The following PICALM variants were observed in gnomAD, a reference collection of about 807,000 sequenced individuals.
PICALM encodes phosphatidylinositol-binding clathrin assembly protein.
PICALM carries 40 observed loss-of-function variants against 80.5 expected under a neutral mutation model. The ratio of observed to expected loss-of-function variants is 0.50; its 90% confidence interval spans 0.39 to 0.65. The LOEUF is 0.65. Ranked by LOEUF, PICALM falls within the 30% of genes least tolerant of loss-of-function variation. The pLI, the probability that PICALM is intolerant of heterozygous loss-of-function variation, is 0.00. For synonymous variants in PICALM, 288 were observed against 260.3 expected (o/e 1.11, Z -1.02); for missense variants, 676 against 778.9 (o/e 0.87, Z 1.57).
intron 1 of PICALM, among the ~76,000 whole-genome samples, chr11:86,047,620 T>C (rs2096097073): frequency 1.3e-5 from 2 of 152,184 alleles, no homozygotes; most frequent in Admixed American, 1.3e-4. Flanking sequence ...GTAATTACTA[T>C]CAATTCTAAG....
At chr11:85,983,205 C>T (rs906020919) in intron 14 of PICALM, among the ~76,000 whole-genome samples, 2 of 152,124 alleles carry the variant, frequency 1.3e-5, no homozygotes, top group Non-Finnish European at 2.9e-5. Context: ...AAGTTAATTA[C>T]TAACCAAAAT....
At chr11:86,015,321 A>T (rs494369) in intron 4 of PICALM, among the ~76,000 whole-genome samples, 119,952 of 152,136 alleles carry the variant, frequency 0.79, 47,380 homozygotes, top group Non-Finnish European at 0.8. Context: ...ACCATTTTTT[A>T]AAATTACAAA....
chr11:86,027,082 T>C (rs2095659889), intron 2 of PICALM, among the ~76,000 whole-genome samples: 1 of 152,256 alleles, frequency 6.6e-6, no homozygotes, highest in Admixed American at 6.5e-5. Flanking sequence ...CCACTTAACA[T>C]TTCATCTTAA....
At chr11:86,031,004 G>A (rs1187786447) in intron 2 of PICALM, among the ~76,000 whole-genome samples, 1 of 152,146 alleles carries the variant, frequency 6.6e-6, no homozygotes, top group Non-Finnish European at 1.5e-5. Flanking sequence ...TGTAATCCCA[G>A]CTACATGGGA....
At chr11:86,069,309 A>G (rs1269671650), upstream of PICALM, 1 of 165,438 alleles carries the variant, frequency 6.0e-6, no homozygotes, top group Non-Finnish European at 1.3e-5. Context: ...CAGCCGGCGC[A>G]TCACGTGACT....
At chr11:86,019,297 T>C (rs1048087731) in intron 4 of PICALM, among the ~76,000 whole-genome samples, 2 of 152,158 alleles carry the variant, frequency 1.3e-5, no homozygotes, top group Non-Finnish European at 2.9e-5. Flanking sequence ...TTATACAGTC[T>C]GACGTGTATA....
At chr11:86,063,730 T>C (rs2096403334) in intron 1 of PICALM, among the ~76,000 whole-genome samples, 1 of 152,218 alleles carries the variant, frequency 6.6e-6, no homozygotes, top group African/African-American at 2.4e-5. Context: ...ACTCTATTTC[T>C]ATTTTCTGTA....
chr11:86,015,841 A>G (rs1163726235), intron 4 of PICALM, among the ~76,000 whole-genome samples: 1 of 152,250 alleles, frequency 6.6e-6, no homozygotes, highest in Non-Finnish European at 1.5e-5. Flanking sequence ...CTATACTTAT[A>G]AATGGCTGTT....
intron 1 of PICALM, among the ~76,000 whole-genome samples, chr11:86,036,111 A>C (rs2095839392): frequency 6.6e-6 from 1 of 152,156 alleles, no homozygotes; most frequent in African/African-American, 2.4e-5. Context: ...AAAAATAGTA[A>C]ACAGAGGATA....
intron 4 of PICALM, among the ~76,000 whole-genome samples, chr11:86,018,150 TTG>T (rs1327378692): frequency 1.3e-5 from 2 of 152,198 alleles, no homozygotes; most frequent in African/African-American, 4.8e-5. Flanking sequence ...CTAAAAAAGC[TTG>T]TGAGTTCTTA....
At chr11:85,981,052 A>G (rs2094428331) in intron 17 of PICALM, 77 bp downstream of exon 17, 2 of 749,016 alleles carry the variant, frequency 2.7e-6, no homozygotes, top group Non-Finnish European at 4.8e-6. Flanking sequence ...TATGTCTATC[A>G]CTTTAAAAAC....
At chr11:85,973,109 A>G (rs2094162055) in intron 19 of PICALM, among the ~76,000 whole-genome samples, 1 of 152,214 alleles carries the variant, frequency 6.6e-6, no homozygotes, top group Admixed American at 6.5e-5. Context: ...ATTAAAGAAC[A>G]AGGAGGAAGT....
At chr11:86,058,809 G>A (rs2096309512) in intron 1 of PICALM, among the ~76,000 whole-genome samples, 1 of 152,114 alleles carries the variant, frequency 6.6e-6, no homozygotes, top group South Asian at 2.1e-4. Flanking sequence ...ACAAAAAGGT[G>A]TGACAGGCAC....
intron 1 of PICALM, among the ~76,000 whole-genome samples, chr11:86,067,603 G>A (rs1008265067): frequency 6.6e-6 from 1 of 152,190 alleles, no homozygotes; most frequent in African/African-American, 2.4e-5. Context: ...AAAGGTAACT[G>A]GCATAATTAA....
intron 19 of PICALM, among the ~76,000 whole-genome samples, chr11:85,961,079 T>TCC (rs1236990185): frequency 8.3e-6 from 1 of 120,076 alleles, no homozygotes; most frequent in Non-Finnish European, 1.7e-5. Flanking sequence ...TTTTAATGTG[T>TCC]GTATGGGGGG....
rs557853882 is a variant in PICALM at position 86,031,668 on chromosome 11, A to C, written c.131-57T>G. Reference sequence around the variant, plus strand: ...CCTCTGTGGTTTTAATTTATTGTTAATACCAGATCTGCATACAAACAGGCA... The same window carrying C: ...CCTCTGTGGTTTTAATTTATTGTTACTACCAGATCTGCATACAAACAGGCA... On this transcript the variant is annotated intron_variant, in intron 1 of 19. Coordinates refer to ENST00000393346, the MANE Select transcript of PICALM (RefSeq NM_007166.4). The C allele has an allele frequency of 2.4e-6, 3 of 1,274,714 alleles. No individual in the cohort carries two copies. In the East Asian group the frequency reaches 7.0e-5, roughly 30 times the overall value. 79.0% of individuals were successfully genotyped at this position (1,274,714 alleles called of 1,614,324 possible). A position where few individuals can be genotyped will look rare whatever the true frequency, so the allele number is the denominator to read the frequency against.
rs202189666 is a variant in PICALM, at chr11:86,056,132, CT to C, written c.130+12518del. 2.1e-3 allele frequency among the ~76,000 whole-genome samples: 21 copies of C among 10,080 alleles called. 2 individuals are homozygous for C. Among genetic ancestry groups the C allele is most frequent in the Non-Finnish European group, 3.7e-3 (13 of 3,554 alleles). 6.6% of individuals were successfully genotyped at this position (10,080 alleles called of 152,430 possible). A position where few individuals can be genotyped will look rare whatever the true frequency, so the allele number is the denominator to read the frequency against. ...CCTGGGTGACAGAACAAGACTCTGT[CT>C]TTAAAAAAAAAAAAAAAGAAAAAAC... On this transcript the variant is annotated intron_variant, in intron 1 of 19. Transcript: ENST00000393346.
chr11:86,051,516 C>CCAGGCATGGTAG (rs1390250697), intron 1 of PICALM, among the ~76,000 whole-genome samples: 2 of 152,054 alleles, frequency 1.3e-5, no homozygotes, highest in African/African-American at 4.8e-5. Flanking sequence ...CAAAAATTAG[C>CCAGGCATGGTAG]CAGGCATGGT....
chr11:86,040,454 G>A (rs2095941778), intron 1 of PICALM, among the ~76,000 whole-genome samples: 1 of 152,050 alleles, frequency 6.6e-6, no homozygotes, highest in African/African-American at 2.4e-5. Context: ...CTTCTCCTCG[G>A]CCTCCCAAAG....
Sources: allele counts gnomAD v4.1 joint callset (sites outside exome capture counted in the v4.1 genomes callset), GRCh38; gene constraint gnomAD v4.1.1; transcripts MANE v1.5; gene names NCBI Gene and HGNC (gene_info 2026-07-23, HGNC 2026-07-21).